ATRNL1: variants seen among roughly 807,000 people sequenced by gnomAD.
The protein encoded by ATRNL1 is attractin like 1.
Under a neutral mutation model 182.7 loss-of-function variants are expected in ATRNL1, and 95 were observed. That is an observed-to-expected ratio of 0.52 (90% confidence interval 0.44 to 0.62). The LOEUF is 0.62. Among genes scored for constraint, ATRNL1 ranks in the 20% least tolerant of loss-of-function variants. The probability of loss-of-function intolerance (pLI) is 0.00; values close to 1 mark genes in which losing one functional copy is unlikely to be tolerated. For synonymous variants in ATRNL1, 576 were observed against 568.3 expected (o/e 1.01, Z -0.19); for missense variants, 1,471 against 1,679.5 (o/e 0.88, Z 2.17).
At chr10:115,743,879 T>C (rs1555068452) in intron 27 of ATRNL1, among the ~76,000 whole-genome samples, 4 of 152,016 alleles carry the variant, frequency 2.6e-5, no homozygotes, top group Non-Finnish European at 2.9e-5. Context: ...AGATTTTAAG[T>C]GAACAGGAAA....
chr10:115,853,069 G>T (rs1275451157), intron 28 of ATRNL1, among the ~76,000 whole-genome samples: 1 of 152,024 alleles, frequency 6.6e-6, no homozygotes, highest in African/African-American at 2.4e-5. Context: ...AAAAATGATG[G>T]GGTCGGGTTA....
At chr10:115,628,297 G>A (rs12774040) in intron 26 of ATRNL1, among the ~76,000 whole-genome samples, 25,222 of 152,002 alleles carry the variant, frequency 0.17, 2,647 homozygotes, top group South Asian at 0.24. Context: ...GTGTGAGGGC[G>A]TATCTCATTT....
At chr10:115,102,493 G>T (rs1237863774) in intron 1 of ATRNL1, among the ~76,000 whole-genome samples, 2 of 152,068 alleles carry the variant, frequency 1.3e-5, no homozygotes, top group Non-Finnish European at 2.9e-5. Context: ...GCCCAGGCTG[G>T]AGTGCAGTGG....
chr10:115,123,912 T>C (rs1233561980), intron 3 of ATRNL1, among the ~76,000 whole-genome samples: 2 of 151,760 alleles, frequency 1.3e-5, no homozygotes, highest in Non-Finnish European at 2.9e-5. Flanking sequence ...TTCTAATGCC[T>C]GATGGTCTGT....
chr10:115,507,103 T>G (rs1850152902), intron 24 of ATRNL1, among the ~76,000 whole-genome samples: 1 of 152,058 alleles, frequency 6.6e-6, no homozygotes, highest in Non-Finnish European at 1.5e-5. Context: ...ATGGGAAGAC[T>G]TGAAGCAGGG....
intron 26 of ATRNL1, among the ~76,000 whole-genome samples, chr10:115,612,600 C>T (rs1310090920): frequency 1.3e-5 from 2 of 152,144 alleles, no homozygotes; most frequent in African/African-American, 4.8e-5. Context: ...GATGCCAGGT[C>T]CTTGTGGAGA....
chr10:115,745,446 G>T (rs1948264391), intron 27 of ATRNL1, among the ~76,000 whole-genome samples: 1 of 152,102 alleles, frequency 6.6e-6, no homozygotes, highest in South Asian at 2.1e-4. Flanking sequence ...TTGCATACAG[G>T]TCTTTCTAAT....
At chr10:115,275,008 T>G (rs376163143) in intron 13 of ATRNL1, among the ~76,000 whole-genome samples, 1 of 152,326 alleles carries the variant, frequency 6.6e-6, no homozygotes, top group African/African-American at 2.4e-5. Context: ...TCCTGCATCC[T>G]TTAAGTCCTT....
intron 24 of ATRNL1, among the ~76,000 whole-genome samples, chr10:115,510,076 G>T (rs1850312286): frequency 6.6e-6 from 1 of 152,040 alleles, no homozygotes; most frequent in African/African-American, 2.4e-5. Context: ...TATAAGTGGA[G>T]TTTGGAGATG....
chr10:115,271,201 G>C (rs1366267315), intron 13 of ATRNL1, among the ~76,000 whole-genome samples: 3 of 133,482 alleles, frequency 2.2e-5, no homozygotes, highest in East Asian at 4.1e-4. Flanking sequence ...CACACACACA[G>C]ATGTATTCTT....
At chr10:115,658,896 G>A (rs1206784290) in intron 26 of ATRNL1, among the ~76,000 whole-genome samples, 7 of 152,154 alleles carry the variant, frequency 4.6e-5, no homozygotes, top group Non-Finnish European at 7.3e-5. Context: ...TTACAGTCAT[G>A]GCAGAAGGGG....
chr10:115,674,201 G>GTAAT (rs144106242), intron 26 of ATRNL1, among the ~76,000 whole-genome samples: 1,800 of 152,082 alleles, frequency 0.012, 33 homozygotes, highest in African/African-American at 0.041. Context: ...TTGAGGCCAA[G>GTAAT]TAATTATTCT....
intron 28 of ATRNL1, among the ~76,000 whole-genome samples, chr10:115,890,582 T>G (rs1031542624): frequency 1.3e-5 from 2 of 152,182 alleles, no homozygotes; most frequent in Admixed American, 6.5e-5. Flanking sequence ...TAAGTTTACC[T>G]GCAACGGGAA....
In ATRNL1 at chr10:115,855,337, C is replaced by A. The variant is rs192508488; in HGVS notation, c.4018+7346C>A. ...AAATGCTATTTCGTCTTCCTTGAGA[C>A]CTTTTCAGTCCCTTCCATACAAATG... On this transcript the variant is annotated intron_variant, in intron 28 of 28. Coordinates refer to ENST00000355044, the MANE Select transcript of ATRNL1 (RefSeq NM_207303.4). Among the ~76,000 whole-genome samples, 4 of 152,286 alleles carry A rather than the reference C, an allele frequency of 2.6e-5. No homozygotes were observed. The East Asian group carries it at 7.7e-4, about 29-fold the overall frequency.
At chr10:115,240,855 C>T (rs1288092476) in intron 9 of ATRNL1, among the ~76,000 whole-genome samples, 1 of 151,778 alleles carries the variant, frequency 6.6e-6, no homozygotes, top group African/African-American at 2.4e-5. Flanking sequence ...TAATGTTTCA[C>T]AAGATGCGTT....
At chr10:115,899,373 A>C (rs1238057466) in intron 28 of ATRNL1, among the ~76,000 whole-genome samples, 8 of 152,018 alleles carry the variant, frequency 5.3e-5, no homozygotes, top group African/African-American at 1.9e-4. Context: ...CAATGGCATG[A>C]TCTCGGCTCA....
chr10:115,614,643 T>C (rs1857337661), intron 26 of ATRNL1, among the ~76,000 whole-genome samples: 1 of 152,164 alleles, frequency 6.6e-6, no homozygotes, highest in Non-Finnish European at 1.5e-5. Context: ...CAACTGTTAC[T>C]ATATTGCTGT....
intron 26 of ATRNL1, among the ~76,000 whole-genome samples, chr10:115,652,552 G>A (rs143776676): frequency 3.3e-5 from 5 of 152,106 alleles, no homozygotes; most frequent in African/African-American, 9.6e-5. Flanking sequence ...ACATATTTAC[G>A]ATAACTAGAA....
At chr10:115,490,275 T>C (rs1849234399) in intron 24 of ATRNL1, among the ~76,000 whole-genome samples, 1 of 152,182 alleles carries the variant, frequency 6.6e-6, no homozygotes, top group Non-Finnish European at 1.5e-5. Flanking sequence ...TTGGCCTGCA[T>C]TGCTAGGTCG....
Sources: allele counts gnomAD v4.1 joint callset (sites outside exome capture counted in the v4.1 genomes callset), GRCh38; gene constraint gnomAD v4.1.1; transcripts MANE v1.5; gene names NCBI Gene and HGNC (gene_info 2026-07-23, HGNC 2026-07-21).